ZBTB8A: variants seen among roughly 807,000 people sequenced by gnomAD.
The protein encoded by ZBTB8A is zinc finger and BTB domain-containing protein 8A.
ZBTB8A carries 19 observed loss-of-function variants against 37.8 expected under a neutral mutation model. The ratio of observed to expected loss-of-function variants is 0.50; its 90% CI spans 0.35 to 0.74. ZBTB8A has a LOEUF of 0.74. ZBTB8A is among the 30% of genes least tolerant of loss of function. The pLI, the probability that ZBTB8A is intolerant of heterozygous loss-of-function variation, is 0.01. For missense variants in ZBTB8A, 394 were observed against 537.8 expected, an observed-to-expected ratio of 0.73 and a Z score of 2.65; for synonymous variants, 181 against 185.2, an observed-to-expected ratio of 0.98 and a Z score of 0.19.
intron 2 of ZBTB8A, among the ~76,000 whole-genome samples, chr1:32,585,709 A>G (rs945244173): frequency 4.6e-5 from 7 of 152,136 alleles, no homozygotes; most frequent in Non-Finnish European, 8.8e-5. Flanking sequence ...TTTGAAAAAA[A>G]TGTTACTTGA....
intron 3 of ZBTB8A, among the ~76,000 whole-genome samples, chr1:32,594,756 ACT>A (rs1644516530): frequency 6.7e-6 from 1 of 150,044 alleles, no homozygotes. Flanking sequence ...ACAGAGCGAA[ACT>A]CTATCTCAAA....
At chr1:32,565,235 A>C (rs1228111540) in intron 2 of ZBTB8A, among the ~76,000 whole-genome samples, 1 of 152,140 alleles carries the variant, frequency 6.6e-6, no homozygotes, top group Non-Finnish European at 1.5e-5. Flanking sequence ...CTGAGGTTGA[A>C]AGATTGCTTG....
At chr1:32,544,058 C>G (rs1026557955) in intron 1 of ZBTB8A, among the ~76,000 whole-genome samples, 1 of 152,218 alleles carries the variant, frequency 6.6e-6, no homozygotes, top group Admixed American at 6.5e-5. Flanking sequence ...CATCCTTGAC[C>G]TCCTGGGCTC....
At chr1:32,585,959 C>T (rs757390067) in intron 2 of ZBTB8A, among the ~76,000 whole-genome samples, 17 of 151,420 alleles carry the variant, frequency 1.1e-4, no homozygotes, top group South Asian at 2.1e-4. Context: ...GCCAAGATCG[C>T]GCCATTGCAC....
At chr1:32,559,172 C>T (rs1407831674) in intron 2 of ZBTB8A, among the ~76,000 whole-genome samples, 1 of 152,080 alleles carries the variant, frequency 6.6e-6, no homozygotes, top group Non-Finnish European at 1.5e-5. Flanking sequence ...AGTGCAATGG[C>T]GTGATCTCAG....
chr1:32,569,875 A>C (rs1476095765), intron 2 of ZBTB8A, among the ~76,000 whole-genome samples: 2 of 151,772 alleles, frequency 1.3e-5, no homozygotes, highest in South Asian at 4.1e-4. Context: ...CGTCCACCTC[A>C]GCCTCCCAAA....
chr1:32,593,075 C>T lies in ZBTB8A; in HGVS notation c.144C>T (p.Tyr48=), dbSNP rs746825970. The part of the protein sequence containing the change: ...HRNVLFASSG[Y]FKMLLSQNSK... ...ATGTATTATTCGCTAGTAGCGGCTA[C>T]TTTAAAATGCTTCTTTCTCAGAATT... Residue 48 remains tyrosine, a synonymous_variant, in exon 3 of 5, where the codon TAC becomes TAT. Transcript: ENST00000373510. 14 of 1,613,574 alleles carry T rather than the reference C, an allele frequency of 8.7e-6. No individual in the cohort carries two copies. Among genetic ancestry groups the T allele is most frequent in the Non-Finnish European group, 1.2e-5 (14 of 1,179,942 alleles).
intron 3 of ZBTB8A, 81 bp from the exon 4 acceptor site, chr1:32,594,973 C>T: frequency 1.1e-5 from 14 of 1,231,176 alleles, no homozygotes; most frequent in East Asian, 1.1e-4. Context: ...TCCTTGTTTC[C>T]ATTGGGCTTG....
intron 1 of ZBTB8A, among the ~76,000 whole-genome samples, chr1:32,543,597 T>G (rs1053579754): frequency 5.3e-5 from 8 of 152,148 alleles, no homozygotes; most frequent in African/African-American, 1.7e-4. Flanking sequence ...CCTATGTGGA[T>G]CTACCCATTC....
In ZBTB8A at chr1:32,604,081, A is replaced by G. The variant is rs1465836618; in HGVS notation, c.*3662A>G. 1 of 152,144 alleles carries G rather than the reference A, an allele frequency of 6.6e-6. No homozygotes were observed. Among genetic ancestry groups the G allele is most frequent in the African/African-American group, 2.4e-5 (1 of 41,432 alleles). 9.4% of individuals were successfully genotyped at this position (152,144 alleles called of 1,614,324 possible). ...GCCAAGGATTTTTTTTTTAATATCA[A>G]GACTTGGTTAGACCAAAGTTTGCTC... On this transcript the variant is annotated 3_prime_UTR_variant, in exon 5 of 5. Coordinates refer to ENST00000373510, the MANE Select transcript of ZBTB8A (RefSeq NM_001040441.3).
chr1:32,542,693 T>G (rs1244967355), intron 1 of ZBTB8A, among the ~76,000 whole-genome samples: 2 of 152,230 alleles, frequency 1.3e-5, no homozygotes, highest in Non-Finnish European at 2.9e-5. Flanking sequence ...ACTTTCGAAC[T>G]TAATGGTTCC....
rs552302077 is a variant in ZBTB8A at position 32,586,047 on chromosome 1, GT to G, written c.-1-6883del. ...AAAGAACGATTTCTGGCCGGGCACG[GT>G]GGCTCATGCCTGTAATGTCAGCACT... On this transcript the variant is annotated intron_variant, in intron 2 of 4. Transcript: ENST00000373510. 9.8e-4 allele frequency among the ~76,000 whole-genome samples: 142 copies of G among 144,390 alleles called. 1 individual carries two copies. The highest frequency in any genetic ancestry group is 3.6e-3 in the African/African-American group (138 of 38,844). 94.7% of individuals were successfully genotyped at this position (144,390 alleles called of 152,430 possible).
In ZBTB8A at chr1:32,553,522, A is replaced by G. The variant is rs910163772; in HGVS notation, c.-20A>G. On this transcript the variant is annotated 5_prime_UTR_variant, in exon 2 of 5. Transcript: ENST00000373510. ...TCCCTTTTTTACTCCATTCAAGAGC[A>G]GCATTCATAAATTTCCAGGTATGAC... 9 of 152,220 alleles carry G rather than the reference A, an allele frequency of 5.9e-5. No homozygotes were observed. The highest frequency in any genetic ancestry group is 1.9e-4 in the African/African-American group (8 of 41,456). The allele number at this position is 152,220 out of a possible 1,614,324, so 9.4% of individuals were successfully genotyped here. A position where few individuals can be genotyped will look rare whatever the true frequency, so the allele number is the denominator to read the frequency against.
At chr1:32,582,747 C>T (rs535119802) in intron 2 of ZBTB8A, among the ~76,000 whole-genome samples, 8 of 152,248 alleles carry the variant, frequency 5.3e-5, no homozygotes, top group African/African-American at 1.7e-4. Flanking sequence ...CTGACATAAC[C>T]ATGCATATAT....
chr1:32,559,882 G>A (rs1177765516), intron 2 of ZBTB8A, among the ~76,000 whole-genome samples: 2 of 152,112 alleles, frequency 1.3e-5, no homozygotes, highest in African/African-American at 2.4e-5. Flanking sequence ...ATATGAGCAC[G>A]CTCAGCCCCC....
At position 32,603,516 on chromosome 1, in the gene ZBTB8A, C is replaced by A. The variant is rs1374946372; in HGVS notation, c.*3097C>A. 6.6e-6 allele frequency: 1 copy of A among 152,504 alleles called. No homozygotes were observed. The highest frequency in any genetic ancestry group is 2.4e-5 in the African/African-American group (1 of 41,464). The allele number at this position is 152,504 out of a possible 1,614,324, so 9.4% of individuals were successfully genotyped here. ...AGTCTTACCCAATTAATACTGACAC[C>A]TTTTGAAATTAAAACCTGATTTTTT... On this transcript the variant is annotated 3_prime_UTR_variant, in exon 5 of 5. Coordinates refer to ENST00000373510, the MANE Select transcript of ZBTB8A (RefSeq NM_001040441.3).
chr1:32,573,070 CT>C (rs765833626), intron 2 of ZBTB8A, among the ~76,000 whole-genome samples: 90 of 115,726 alleles, frequency 7.8e-4, no homozygotes, highest in East Asian at 1.4e-3. Context: ...TCTCTAGATT[CT>C]TTTTTTTTTT....
At chr1:32,556,615 C>T (rs147460916) in intron 2 of ZBTB8A, among the ~76,000 whole-genome samples, 5 of 152,120 alleles carry the variant, frequency 3.3e-5, no homozygotes, top group Admixed American at 6.5e-5. Flanking sequence ...CAGTGGCTCA[C>T]GCCTGTAATC....
chr1:32,571,183 G>A lies in ZBTB8A; in HGVS notation c.-2+17643G>A, dbSNP rs78555355. Among the ~76,000 whole-genome samples the A allele has an allele frequency of 7.4e-3, 1,122 of 152,286 alleles. 17 individuals are homozygous for A. The highest frequency in any genetic ancestry group is 0.025 in the African/African-American group (1,039 of 41,564). ...GAGCCACCACACCCGGCCTATGCCTGTTATTTCTTTAACATCTCTTACTGC... is the reference window on the plus strand; with the variant it reads ...GAGCCACCACACCCGGCCTATGCCTATTATTTCTTTAACATCTCTTACTGC... On this transcript the variant is annotated intron_variant, in intron 2 of 4. Transcript: ENST00000373510.
Sources: allele counts gnomAD v4.1 joint callset (sites outside exome capture counted in the v4.1 genomes callset), GRCh38; gene constraint gnomAD v4.1.1; transcripts MANE v1.5; gene names NCBI Gene and HGNC (gene_info 2026-07-23, HGNC 2026-07-21).